The following CACNA2D1 variants were observed in gnomAD, a reference collection of about 807,000 sequenced individuals.
The protein encoded by CACNA2D1 is calcium voltage-gated channel auxiliary subunit alpha2delta 1, also known as voltage-dependent calcium channel subunit alpha-2/delta-1.
Under a neutral mutation model 171.5 loss-of-function variants are expected in CACNA2D1, and 53 were observed. The observed-to-expected ratio is 0.31, with a 90% confidence interval of 0.25 to 0.39. The LOEUF (loss-of-function observed/expected upper bound fraction) is 0.39, where lower values mean the gene tolerates loss of function less well. Among genes scored for constraint, CACNA2D1 ranks in the 10% least tolerant of loss-of-function variants. CACNA2D1 has a pLI of 1.00. For missense variants in CACNA2D1, 903 were observed against 1,299.8 expected (o/e 0.69, Z 4.69); for synonymous variants, 442 against 443.1 (o/e 1.00, Z 0.03).
chr7:82,391,167 G>A (rs1052033568), intron 1 of CACNA2D1, among the ~76,000 whole-genome samples: 4 of 152,088 alleles, frequency 2.6e-5, no homozygotes, highest in Admixed American at 2.0e-4. Flanking sequence ...CACAGTTCAT[G>A]TGACCATATA....
At chr7:82,401,477 A>G (rs1441817838) in intron 1 of CACNA2D1, among the ~76,000 whole-genome samples, 1 of 148,662 alleles carries the variant, frequency 6.7e-6, no homozygotes, top group Non-Finnish European at 1.5e-5. Context: ...AACACCGCAT[A>G]TTCTCACTCA....
At chr7:82,263,102 CTTTT>C (rs759968270) in intron 3 of CACNA2D1, among the ~76,000 whole-genome samples, 3 of 108,026 alleles carry the variant, frequency 2.8e-5, no homozygotes, top group South Asian at 6.4e-4. Context: ...CATAACACCA[CTTTT>C]TTTTTTTTTT....
At chr7:82,362,483 A>G (rs1276699674) in intron 1 of CACNA2D1, among the ~76,000 whole-genome samples, 1 of 152,200 alleles carries the variant, frequency 6.6e-6, no homozygotes, top group Non-Finnish European at 1.5e-5. Context: ...ATCACCATTC[A>G]GGAAATACAA....
chr7:82,206,833 A>C (rs2214724), intron 3 of CACNA2D1, among the ~76,000 whole-genome samples: 152,215 of 152,250 alleles, frequency 1, 76,090 homozygotes, highest in Middle Eastern at 1. Flanking sequence ...CAACTAAAAA[A>C]CAAAACAATA....
chr7:82,367,318 T>G (rs1029091418), intron 1 of CACNA2D1, among the ~76,000 whole-genome samples: 1 of 152,156 alleles, frequency 6.6e-6, no homozygotes, highest in Non-Finnish European at 1.5e-5. Context: ...TTTTGTATGC[T>G]TGGTGGCTAG....
At chr7:82,430,716 T>C (rs946774394) in intron 1 of CACNA2D1, among the ~76,000 whole-genome samples, 1 of 152,212 alleles carries the variant, frequency 6.6e-6, no homozygotes, top group African/African-American at 2.4e-5. Flanking sequence ...GCTGGCCTTT[T>C]TCAGTACGCT....
intron 5 of CACNA2D1, among the ~76,000 whole-genome samples, chr7:82,119,682 TTAAC>T (rs1284402279): frequency 6.6e-6 from 1 of 152,234 alleles, no homozygotes; most frequent in Non-Finnish European, 1.5e-5. Context: ...GGAAATTTAC[TTAAC>T]TATTTTGCAC....
At chr7:82,134,734 T>C (rs1324423395) in intron 5 of CACNA2D1, among the ~76,000 whole-genome samples, 1 of 152,152 alleles carries the variant, frequency 6.6e-6, no homozygotes, top group East Asian at 1.9e-4. Flanking sequence ...TTTAATAAGT[T>C]CACTTACACA....
At chr7:82,223,683 T>C (rs745972230) in intron 3 of CACNA2D1, among the ~76,000 whole-genome samples, 13 of 152,232 alleles carry the variant, frequency 8.5e-5, no homozygotes, top group Non-Finnish European at 1.5e-4. Flanking sequence ...GTTTTTTACA[T>C]TTCCTGGCTA....
chr7:82,351,879 A>G (rs2368020), intron 1 of CACNA2D1, among the ~76,000 whole-genome samples: 111,559 of 152,014 alleles, frequency 0.73, 41,389 homozygotes, highest in African/African-American at 0.85. Context: ...AGAACCTACA[A>G]AAAATGAGTC....
At chr7:81,984,741 C>A in intron 21 of CACNA2D1, 30 bp from the exon 22 acceptor site, 1 of 1,130,666 alleles carries the variant, frequency 8.8e-7, no homozygotes, top group Non-Finnish European at 1.3e-6. Flanking sequence ...AGCATAAACA[C>A]AAACAAACAA....
chr7:81,989,010 C>T lies in CACNA2D1; in HGVS notation c.1796+2175G>A, dbSNP rs533239347. The stretch of plus-strand genomic sequence containing the variant: ...AAACATTATACATTTTAAATAGGAT[C>T]GTTGGAGAAGGCCTTTCTGAAGAGA... On this transcript the variant is annotated intron_variant, in intron 21 of 38. Transcript: ENST00000356860. 3.6e-4 allele frequency among the ~76,000 whole-genome samples: 54 copies of T among 152,076 alleles called. 1 individual carries two copies. Among genetic ancestry groups the T allele is most frequent in the Admixed American group, 3.2e-3 (49 of 15,264 alleles).
intron 3 of CACNA2D1, among the ~76,000 whole-genome samples, chr7:82,264,331 T>C (rs1460211069): frequency 2.0e-5 from 3 of 152,178 alleles, no homozygotes; most frequent in African/African-American, 4.8e-5. Context: ...TTTTTATGTA[T>C]ATATCTACAC....
chr7:82,337,148 C>T (rs1818095774), intron 2 of CACNA2D1, among the ~76,000 whole-genome samples: 1 of 151,952 alleles, frequency 6.6e-6, no homozygotes. Flanking sequence ...TTTTTAAATA[C>T]TTAACAAAAA....
At chr7:82,326,278 C>T (rs568753670) in intron 3 of CACNA2D1, among the ~76,000 whole-genome samples, 20 of 152,272 alleles carry the variant, frequency 1.3e-4, no homozygotes, top group Middle Eastern at 3.4e-3. Flanking sequence ...AGACACTTCA[C>T]ATTTGCTTAT....
chr7:81,974,315 G>A, intron 25 of CACNA2D1, 140 bp downstream of exon 25: 1 of 539,870 alleles, frequency 1.9e-6, no homozygotes, highest in Non-Finnish European at 3.3e-6. Flanking sequence ...GGATCAAATT[G>A]TTACATTTTA....
At chr7:82,285,630 T>A (rs1011506951) in intron 3 of CACNA2D1, among the ~76,000 whole-genome samples, 4 of 152,158 alleles carry the variant, frequency 2.6e-5, no homozygotes, top group Non-Finnish European at 4.4e-5. Context: ...GTGGACTATA[T>A]GTAACATTTT....
At chr7:82,174,042 CAAAAA>C (rs71093365) in intron 3 of CACNA2D1, among the ~76,000 whole-genome samples, 3 of 45,640 alleles carry the variant, frequency 6.6e-5, no homozygotes, top group African/African-American at 1.7e-4. Context: ...GACCCTGTCT[CAAAAA>C]AAAAAAAAAA....
chr7:82,351,706 T>C (rs1328176499), intron 1 of CACNA2D1, among the ~76,000 whole-genome samples: 1 of 152,156 alleles, frequency 6.6e-6, no homozygotes, highest in Non-Finnish European at 1.5e-5. Flanking sequence ...ATTTGAAAAA[T>C]ATTATAAGTA....
Sources: allele counts gnomAD v4.1 joint callset (sites outside exome capture counted in the v4.1 genomes callset), GRCh38; gene constraint gnomAD v4.1.1; transcripts MANE v1.5; gene names NCBI Gene and HGNC (gene_info 2026-07-23, HGNC 2026-07-21).